The following PPP1R9A variants were observed in gnomAD, a reference collection of about 807,000 sequenced individuals.
The protein encoded by PPP1R9A is neurabin-1.
A neutral mutation model predicts 141.9 loss-of-function variants in PPP1R9A; 59 were observed. The ratio of observed to expected loss-of-function variants is 0.42; its 90% CI spans 0.34 to 0.52. PPP1R9A has a LOEUF of 0.52. Ranked by LOEUF, PPP1R9A falls within the 20% of genes least tolerant of loss-of-function variation. PPP1R9A has a pLI of 0.10. For synonymous variants in PPP1R9A, 500 were observed against 569.7 expected, an observed-to-expected ratio of 0.88 and a Z score of 1.74; for missense variants, 1,444 against 1,611.9, an observed-to-expected ratio of 0.90 and a Z score of 1.78.
At chr7:95,288,032 C>A (rs1337430623) in intron 18 of PPP1R9A, among the ~76,000 whole-genome samples, 1 of 152,114 alleles carries the variant, frequency 6.6e-6, no homozygotes, top group African/African-American at 2.4e-5. Flanking sequence ...ATATGCCCTA[C>A]CTTCCTCACA....
At chr7:95,266,769 T>C (rs1457480906) in intron 12 of PPP1R9A, among the ~76,000 whole-genome samples, 1 of 152,146 alleles carries the variant, frequency 6.6e-6, no homozygotes, top group East Asian at 1.9e-4. Context: ...ACAGTGTTTC[T>C]AATTATATTA....
At chr7:95,152,774 A>G (rs565525181) in intron 4 of PPP1R9A, among the ~76,000 whole-genome samples, 1 of 152,072 alleles carries the variant, frequency 6.6e-6, no homozygotes, top group South Asian at 2.1e-4. Flanking sequence ...GGAACTTGAT[A>G]ATAATGCCTA....
At chr7:95,049,798 C>T (rs976371765) in intron 2 of PPP1R9A, among the ~76,000 whole-genome samples, 1 of 152,196 alleles carries the variant, frequency 6.6e-6, no homozygotes, top group Non-Finnish European at 1.5e-5. Flanking sequence ...AGATTGACTT[C>T]TTTCACTTAA....
chr7:95,202,596 C>G, intron 6 of PPP1R9A: 1 of 912,072 alleles, frequency 1.1e-6, no homozygotes, highest in Non-Finnish European at 1.3e-6. Flanking sequence ...TTCAATAAAT[C>G]TCTCAGACAA....
intron 5 of PPP1R9A, 113 bp from the exon 6 acceptor site, chr7:95,198,236 T>A: frequency 1.1e-6 from 1 of 942,132 alleles, no homozygotes; most frequent in Non-Finnish European, 1.5e-6. Context: ...ACGTAGGTGA[T>A]ATTACTTTCT....
At chr7:95,110,759 A>C (rs1469121016) in intron 2 of PPP1R9A, among the ~76,000 whole-genome samples, 2 of 152,218 alleles carry the variant, frequency 1.3e-5, no homozygotes, top group African/African-American at 2.4e-5. Context: ...GAGGGATGAC[A>C]AACAAGAGCC....
intron 4 of PPP1R9A, among the ~76,000 whole-genome samples, chr7:95,143,320 C>T (rs927986461): frequency 2.0e-5 from 3 of 152,142 alleles, no homozygotes; most frequent in Non-Finnish European, 4.4e-5. Context: ...CATTCCATAG[C>T]TGCCAGGCCA....
intron 2 of PPP1R9A, among the ~76,000 whole-genome samples, chr7:94,969,516 A>G (rs2151207604): frequency 6.6e-6 from 1 of 151,976 alleles, no homozygotes; most frequent in Middle Eastern, 3.4e-3. Context: ...CTGCCTCTGG[A>G]AGCTTTGTCT....
At chr7:95,266,563 C>T (rs963444314) in intron 12 of PPP1R9A, among the ~76,000 whole-genome samples, 17 of 151,962 alleles carry the variant, frequency 1.1e-4, no homozygotes, top group East Asian at 5.8e-4. Context: ...ATCATGGTAG[C>T]GCATTAATTA....
intron 5 of PPP1R9A, among the ~76,000 whole-genome samples, chr7:95,173,917 C>T (rs1832530120): frequency 6.6e-6 from 1 of 151,956 alleles, no homozygotes; most frequent in Admixed American, 6.6e-5. Flanking sequence ...ATTTGCTGAT[C>T]GGAATGCAAA....
intron 2 of PPP1R9A, among the ~76,000 whole-genome samples, chr7:95,053,980 A>G (rs1004600329): frequency 6.6e-6 from 1 of 152,216 alleles, no homozygotes; most frequent in Non-Finnish European, 1.5e-5. Context: ...AAAAGAAAGA[A>G]ATGTTAAATC....
chr7:94,965,475 C>A (rs1339738139), intron 2 of PPP1R9A, among the ~76,000 whole-genome samples: 1 of 152,010 alleles, frequency 6.6e-6, no homozygotes, highest in Non-Finnish European at 1.5e-5. Context: ...AGTCTGTAAT[C>A]CATCTTGAAT....
chr7:95,177,332 A>G (rs371012248), intron 5 of PPP1R9A, among the ~76,000 whole-genome samples: 81 of 152,318 alleles, frequency 5.3e-4, no homozygotes, highest in African/African-American at 1.8e-3. Flanking sequence ...AGAATTCACC[A>G]CTAACAAGCC....
In PPP1R9A at chr7:95,133,364, C is replaced by T. The variant is rs577989662; in HGVS notation, c.1649+12532C>T. ...GTCTGCCTAGGAATTTGTCTGCCTC[C>T]TTATGCTGTCATTCATAGCAAATAA... is the stretch of plus-strand genomic sequence containing the variant. On this transcript the variant is annotated intron_variant, in intron 4 of 19. Coordinates refer to ENST00000433360, the MANE Select transcript of PPP1R9A (RefSeq NM_001166160.2). 5.9e-5 allele frequency among the ~76,000 whole-genome samples: 9 copies of T among 152,058 alleles called. No individual in the cohort carries two copies. The South Asian group carries it at 1.9e-3, about 32-fold the overall frequency.
chr7:94,983,394 G>T (rs1157106475), intron 2 of PPP1R9A, among the ~76,000 whole-genome samples: 3 of 152,096 alleles, frequency 2.0e-5, no homozygotes, highest in African/African-American at 7.2e-5. Flanking sequence ...GATGGGGATG[G>T]CATTGAATCT....
At chr7:95,157,612 G>T (rs57536409) in intron 4 of PPP1R9A, among the ~76,000 whole-genome samples, 10 of 152,348 alleles carry the variant, frequency 6.6e-5, no homozygotes, top group African/African-American at 2.2e-4. Flanking sequence ...GCGGCAGGCC[G>T]TCTGGAGTGG....
chr7:95,001,913 G>A (rs755928055), intron 2 of PPP1R9A, among the ~76,000 whole-genome samples: 5 of 152,188 alleles, frequency 3.3e-5, no homozygotes, highest in Non-Finnish European at 5.9e-5. Context: ...TAATTCAGGA[G>A]TTTCTACTCA....
At chr7:95,205,079 C>T (rs938991428) in intron 7 of PPP1R9A, among the ~76,000 whole-genome samples, 4 of 152,172 alleles carry the variant, frequency 2.6e-5, no homozygotes, top group Non-Finnish European at 4.4e-5. Context: ...TTGAAAGATT[C>T]TCTCTAGAAA....
At chr7:95,257,384 C>T (rs1799739594) in intron 12 of PPP1R9A, among the ~76,000 whole-genome samples, 1 of 151,920 alleles carries the variant, frequency 6.6e-6, no homozygotes, top group Non-Finnish European at 1.5e-5. Flanking sequence ...AATTGACCAT[C>T]CATATGGAAA....
Sources: allele counts gnomAD v4.1 joint callset (sites outside exome capture counted in the v4.1 genomes callset), GRCh38; gene constraint gnomAD v4.1.1; transcripts MANE v1.5; gene names NCBI Gene and HGNC (gene_info 2026-07-23, HGNC 2026-07-21).